Variants in ABCB11 observed in about 807,000 individuals in gnomAD.
ABCB11 encodes the protein ATP binding cassette subfamily B member 11.
In ABCB11, 95 loss-of-function variants were observed where a neutral mutation model predicts 148.0. The ratio of observed to expected loss-of-function variants is 0.64; its 90% CI spans 0.54 to 0.76. The LOEUF (loss-of-function observed/expected upper bound fraction) is 0.76. ABCB11 is among the 30% of genes least tolerant of loss of function. ABCB11 has a pLI of 0.00. For missense variants in ABCB11, 1,523 were observed against 1,617.8 expected (o/e 0.94, Z 1.01); for synonymous variants, 591 against 555.4 (o/e 1.06, Z -0.90).
At chr2:169,007,567 C>T (rs2106035714) in intron 5 of ABCB11, among the ~76,000 whole-genome samples, 1 of 152,292 alleles carries the variant, frequency 6.6e-6, no homozygotes, top group East Asian at 1.9e-4. Flanking sequence ...CTTCACATGG[C>T]CAGAGCCATT....
intron 17 of ABCB11, among the ~76,000 whole-genome samples, chr2:168,964,643 C>T (rs1008904328): frequency 6.6e-6 from 1 of 151,810 alleles, no homozygotes; most frequent in African/African-American, 2.4e-5. Flanking sequence ...CCACATGGTT[C>T]TGCTAATTGC....
At chr2:168,946,388 C>T (rs1463962493) in intron 19 of ABCB11, among the ~76,000 whole-genome samples, 2 of 151,588 alleles carry the variant, frequency 1.3e-5, no homozygotes, top group East Asian at 1.9e-4. Flanking sequence ...AAAAGTAACC[C>T]GTTCAAATTA....
At chr2:168,959,934 CAAAA>C (rs375450217) in intron 18 of ABCB11, among the ~76,000 whole-genome samples, 53 of 87,180 alleles carry the variant, frequency 6.1e-4, no homozygotes, top group Non-Finnish European at 8.8e-4. Flanking sequence ...ACTGCATCTC[CAAAA>C]AAAAAAAAAA....
chr2:168,932,642 A>G (rs1413455313), intron 23 of ABCB11, 109 bp from the exon 24 acceptor site: 1 of 1,344,688 alleles, frequency 7.4e-7, no homozygotes, highest in Non-Finnish European at 1.0e-6. Flanking sequence ...AAAGGACCAA[A>G]TATCCTTGAG....
chr2:168,947,804 C>T (rs1692394683), intron 19 of ABCB11, among the ~76,000 whole-genome samples: 1 of 151,732 alleles, frequency 6.6e-6, no homozygotes, highest in Admixed American at 6.6e-5. Flanking sequence ...TAGATGCTGC[C>T]TACTCTGGTC....
At chr2:169,027,032 G>T (rs1695720115) in intron 1 of ABCB11, among the ~76,000 whole-genome samples, 1 of 152,022 alleles carries the variant, frequency 6.6e-6, no homozygotes, top group African/African-American at 2.4e-5. Context: ...GCTTTAATTA[G>T]GGTTTCTTAA....
chr2:168,955,462 G>A (rs1252765962), intron 19 of ABCB11, among the ~76,000 whole-genome samples: 4 of 151,490 alleles, frequency 2.6e-5, no homozygotes, highest in African/African-American at 7.3e-5. Context: ...AGGGGGAAGC[G>A]CTACACACTT....
chr2:168,919,718 T>C (rs1489075425), downstream of ABCB11, among the ~76,000 whole-genome samples: 2 of 152,190 alleles, frequency 1.3e-5, no homozygotes, highest in Non-Finnish European at 1.5e-5. Flanking sequence ...TCTTTAGACC[T>C]CTCTCATTCT....
Position 168,921,961 on chromosome 2 carries a change from G to A in ABCB11, c.*1661C>T, listed in dbSNP as rs191257736. 5.8e-3 allele frequency among the ~76,000 whole-genome samples: 866 copies of A among 149,668 alleles called. 15 individuals carry two copies. The highest frequency in any genetic ancestry group is 0.02 in the African/African-American group (822 of 40,374). Reference sequence around the variant, plus strand: ...CCTCCCGGGTTCACGCCATTCTCCTGCCTCAGCCTCCTGAGTAGCTGGGAC... The same window carrying A: ...CCTCCCGGGTTCACGCCATTCTCCTACCTCAGCCTCCTGAGTAGCTGGGAC... On this transcript the variant is annotated 3_prime_UTR_variant, in exon 28 of 28. Transcript: ENST00000650372.
intron 19 of ABCB11, among the ~76,000 whole-genome samples, chr2:168,951,267 TG>T (rs1271808918): frequency 9.2e-5 from 14 of 151,764 alleles, no homozygotes; most frequent in African/African-American, 3.1e-4. Flanking sequence ...ATTTTAAAAT[TG>T]TTTTTTTCTA....
At chr2:168,955,690 C>A (rs985743438) in intron 19 of ABCB11, among the ~76,000 whole-genome samples, 1 of 151,584 alleles carries the variant, frequency 6.6e-6, no homozygotes, top group East Asian at 2.0e-4. Flanking sequence ...CACAGTCATG[C>A]CTTCTCAACA....
chr2:168,980,007 T>C (rs1459143651), intron 10 of ABCB11, 28 bp from the exon 11 acceptor site: 9 of 1,403,896 alleles, frequency 6.4e-6, no homozygotes, highest in Non-Finnish European at 9.1e-6. Flanking sequence ...AGATTTTTCA[T>C]GTGTTTTTGT....
chr2:168,995,216 A>G (rs1694675010), intron 7 of ABCB11, 133 bp downstream of exon 7: 2 of 1,038,372 alleles, frequency 1.9e-6, no homozygotes, highest in Non-Finnish European at 2.7e-6. Flanking sequence ...AAGCCATGCC[A>G]CATATGAAAG....
intron 21 of ABCB11, among the ~76,000 whole-genome samples, chr2:168,938,176 CCA>C (rs1691911299): frequency 6.6e-6 from 1 of 152,138 alleles, no homozygotes; most frequent in African/African-American, 2.4e-5. Flanking sequence ...CAAAGCATTC[CCA>C]TGTGTTAGTG....
At chr2:168,923,890 T>C (rs1030020265) in intron 27 of ABCB11, 68 bp from the exon 28 acceptor site, 4 of 1,473,698 alleles carry the variant, frequency 2.7e-6, no homozygotes, top group Non-Finnish European at 3.8e-6. Context: ...ATCATGAGAG[T>C]TCAGTTAACA....
At chr2:168,930,196 C>G (rs1207481324) in intron 25 of ABCB11, among the ~76,000 whole-genome samples, 1 of 152,194 alleles carries the variant, frequency 6.6e-6, no homozygotes, top group Non-Finnish European at 1.5e-5. Flanking sequence ...GTACATGGCT[C>G]TCAATCTGAG....
intron 17 of ABCB11, among the ~76,000 whole-genome samples, chr2:168,968,148 C>G (rs1693396713): frequency 6.6e-6 from 1 of 151,572 alleles, no homozygotes; most frequent in Admixed American, 6.6e-5. Flanking sequence ...TAAAAGAAGT[C>G]CCCTTTCTAA....
chr2:169,026,600 A>T (rs1695703426), intron 1 of ABCB11, among the ~76,000 whole-genome samples: 1 of 152,246 alleles, frequency 6.6e-6, no homozygotes, highest in Non-Finnish European at 1.5e-5. Flanking sequence ...AGAGGTTTTC[A>T]GAATTGAATA....
intron 18 of ABCB11, 94 bp from the exon 19 acceptor site, chr2:168,958,222 T>A: frequency 7.8e-7 from 1 of 1,277,742 alleles, no homozygotes; most frequent in Non-Finnish European, 1.1e-6. Flanking sequence ...GAGTCATAGT[T>A]TGATTAGTTA....
Sources: allele counts gnomAD v4.1 joint callset (sites outside exome capture counted in the v4.1 genomes callset), GRCh38; gene constraint gnomAD v4.1.1; transcripts MANE v1.5; gene names NCBI Gene and HGNC (gene_info 2026-07-23, HGNC 2026-07-21).